The following TDRD3 variants were observed in gnomAD, a reference collection of about 807,000 sequenced individuals.
TDRD3 encodes the protein tudor domain-containing protein 3.
TDRD3 carries 45 observed loss-of-function variants against 86.7 expected under a neutral mutation model. That is an observed-to-expected ratio of 0.52 (90% CI 0.41 to 0.67). TDRD3 has a LOEUF of 0.67. Ranked by LOEUF, TDRD3 falls within the 30% of genes least tolerant of loss-of-function variation. The probability of loss-of-function intolerance (pLI) is 0.00; values close to 1 mark genes in which losing one functional copy is unlikely to be tolerated. For synonymous variants in TDRD3, 298 were observed against 301.7 expected, an observed-to-expected ratio of 0.99 and a Z score of 0.13; for missense variants, 814 against 889.0, an observed-to-expected ratio of 0.92 and a Z score of 1.07.
chr13:60,547,470 C>T (rs1957962629), intron 12 of TDRD3: 11 of 938,418 alleles, frequency 1.2e-5, no homozygotes, highest in Non-Finnish European at 1.4e-5. Flanking sequence ...GGCTCTGCCA[C>T]TTACTACCTA....
At chr13:60,498,105 G>A (rs1010748436) in intron 8 of TDRD3, among the ~76,000 whole-genome samples, 6 of 152,180 alleles carry the variant, frequency 3.9e-5, no homozygotes, top group African/African-American at 1.4e-4. Flanking sequence ...TAGAGGAAGG[G>A]ATACAATGGC....
chr13:60,453,484 TTC>T (rs754982036), intron 3 of TDRD3, among the ~76,000 whole-genome samples: 132 of 145,666 alleles, frequency 9.1e-4, no homozygotes, highest in Non-Finnish European at 1.7e-3. Context: ...TAGCAACACT[TTC>T]CTTTAATCAG....
At chr13:60,398,215 G>C (rs1953994012) in intron 1 of TDRD3, among the ~76,000 whole-genome samples, 1 of 152,184 alleles carries the variant, frequency 6.6e-6, no homozygotes, top group Admixed American at 6.5e-5. Flanking sequence ...GCACATTCTG[G>C]GATGAAGGGT....
At chr13:60,540,744 A>G (rs535831825) in intron 12 of TDRD3, among the ~76,000 whole-genome samples, 40 of 152,302 alleles carry the variant, frequency 2.6e-4, no homozygotes, top group Non-Finnish European at 5.0e-4. Context: ...ATATCTGATA[A>G]TAACATATTA....
chr13:60,488,620 G>C (rs4886234), intron 7 of TDRD3, among the ~76,000 whole-genome samples: 45,070 of 151,806 alleles, frequency 0.3, 7,526 homozygotes, highest in South Asian at 0.47. Flanking sequence ...GTTGCCCAGG[G>C]TGGAGTGCAG....
chr13:60,450,636 A>AT (rs1365656601), intron 3 of TDRD3, among the ~76,000 whole-genome samples: 1 of 152,154 alleles, frequency 6.6e-6, no homozygotes, highest in African/African-American at 2.4e-5. Flanking sequence ...TAGAAAATAT[A>AT]TTTTTTTAAT....
intron 7 of TDRD3, among the ~76,000 whole-genome samples, chr13:60,490,500 G>A (rs1437498426): frequency 1.3e-5 from 2 of 152,162 alleles, no homozygotes; most frequent in African/African-American, 4.8e-5. Context: ...GTAGGGCCCT[G>A]TAAACTATTG....
intron 10 of TDRD3, among the ~76,000 whole-genome samples, chr13:60,523,960 C>CT (rs547474057): frequency 6.3e-4 from 94 of 148,510 alleles, no homozygotes; most frequent in African/African-American, 1.1e-3. Context: ...TCTACTTGTG[C>CT]TTTTTTTTTT....
chr13:60,484,673 G>A, intron 6 of TDRD3: 1 of 442,690 alleles, frequency 2.3e-6, no homozygotes, highest in Non-Finnish European at 4.5e-6. Flanking sequence ...AAATAATGTT[G>A]ATTTTTTTTT....
chr13:60,503,051 G>A (rs188869976), intron 8 of TDRD3, among the ~76,000 whole-genome samples: 31 of 152,210 alleles, frequency 2.0e-4, no homozygotes, highest in East Asian at 7.7e-4. Context: ...GCTGTAAATC[G>A]TTCAAAATAA....
Position 60,557,820 on chromosome 13 carries a change from A to ATTTTTTTTTTTTT in TDRD3, c.2119-9695_2119-9683dup, listed in dbSNP as rs749028045. Among the ~76,000 whole-genome samples the ATTTTTTTTTTTTT allele has an allele frequency of 5.6e-4, 49 of 88,282 alleles. 6 individuals carry two copies. Among genetic ancestry groups the ATTTTTTTTTTTTT allele is most frequent in the Non-Finnish European group, 8.0e-4 (36 of 45,044 alleles). 57.9% of individuals were successfully genotyped at this position (88,282 alleles called of 152,430 possible). On this transcript the variant is annotated intron_variant, in intron 12 of 13. Transcript: ENST00000377881. The stretch of plus-strand genomic sequence containing the variant: ...GGCATAAAGGATTTTTTTTTTCCTG[A>ATTTTTTTTTTTTT]TTTTTTTTTTTTTTTTTTTTTTGAG...
At chr13:60,531,698 G>A (rs1469931191) in intron 11 of TDRD3, among the ~76,000 whole-genome samples, 4 of 152,030 alleles carry the variant, frequency 2.6e-5, no homozygotes, top group African/African-American at 9.7e-5. Context: ...ACAGGATCAG[G>A]GATATCTGCT....
At chr13:60,429,812 CTCTT>C (rs1954908614) in intron 1 of TDRD3, among the ~76,000 whole-genome samples, 2 of 124,792 alleles carry the variant, frequency 1.6e-5, no homozygotes, top group African/African-American at 3.1e-5. Context: ...TAATTTTATT[CTCTT>C]TCTTTCTCAT....
At chr13:60,435,531 C>A (rs1341592594) in intron 1 of TDRD3, among the ~76,000 whole-genome samples, 1 of 152,120 alleles carries the variant, frequency 6.6e-6, no homozygotes, top group African/African-American at 2.4e-5. Context: ...TTTGGTTTTC[C>A]ATTCCTGAGT....
In TDRD3 at chr13:60,528,869, C is replaced by T. The variant is rs1957516683; in HGVS notation, c.1644C>T (p.Asp548=). The T allele has an allele frequency of 6.2e-7, 1 of 1,612,156 alleles. No individual in the cohort carries two copies. Among genetic ancestry groups the T allele is most frequent in the Non-Finnish European group, 8.5e-7 (1 of 1,179,518 alleles). Residue 548 remains aspartate (D), a synonymous_variant, in exon 11 of 14, where the codon GAC becomes GAT. Transcript: ENST00000377881. Reference sequence around the variant, plus strand: ...CATCTATTCCTGATTATTTTTATGACAGGAAATCACAAACAATAAATAATG... The same window carrying T: ...CATCTATTCCTGATTATTTTTATGATAGGAAATCACAAACAATAAATAATG... The part of the protein sequence containing the change: ...SQTSIPDYFY[D]RKSQTINNEA...
intron 10 of TDRD3, among the ~76,000 whole-genome samples, chr13:60,526,375 T>G (rs1566273034): frequency 6.6e-6 from 1 of 152,168 alleles, no homozygotes; most frequent in Non-Finnish European, 1.5e-5. Flanking sequence ...AGGCAAATGC[T>G]GCTTTTATAA....
At chr13:60,523,271 A>T (rs1957331449) in intron 10 of TDRD3, among the ~76,000 whole-genome samples, 1 of 152,242 alleles carries the variant, frequency 6.6e-6, no homozygotes. Flanking sequence ...TAATATTTTA[A>T]GATGCCTGAT....
intron 1 of TDRD3, among the ~76,000 whole-genome samples, chr13:60,415,753 T>G (rs2137845935): frequency 6.6e-6 from 1 of 152,228 alleles, no homozygotes; most frequent in South Asian, 2.1e-4. Flanking sequence ...GTCCAGAGAT[T>G]TATTGAGTTT....
intron 7 of TDRD3, among the ~76,000 whole-genome samples, chr13:60,488,637 G>C (rs1040642042): frequency 6.6e-6 from 1 of 151,878 alleles, no homozygotes; most frequent in Non-Finnish European, 1.5e-5. Flanking sequence ...GCAGTGGCGC[G>C]ATCTTGGCTC....
Sources: gnomAD v4.1 joint callset for allele counts (sites outside exome capture counted in the v4.1 genomes callset) on GRCh38, gnomAD v4.1.1 for gene constraint, MANE v1.5 for transcripts, NCBI Gene and HGNC (gene_info 2026-07-23, HGNC 2026-07-21) for gene names.